KIAA1217: variants seen among roughly 807,000 people sequenced by gnomAD.
KIAA1217 encodes KIAA1217, also known as sickle tail protein homolog.
In KIAA1217, 88 loss-of-function variants were observed where a neutral mutation model predicts 163.9. That is an observed-to-expected ratio of 0.54 (90% CI 0.45 to 0.64). The LOEUF (loss-of-function observed/expected upper bound fraction) is 0.64. KIAA1217 is among the 30% of genes least tolerant of loss of function. The pLI is 0.00. For synonymous variants in KIAA1217, 903 were observed against 923.1 expected (o/e 0.98, Z 0.39); for missense variants, 2,372 against 2,475.0 (o/e 0.96, Z 0.88).
In KIAA1217 at chr10:24,528,100, G is replaced by T. The variant is rs749262338; in HGVS notation, c.3063G>T (p.Val1021=). ...CACTGCCAAGGGGAGATGCCCCAGTGGACAAGGTGGAACTTTCAGGTAAGT... is the reference window on the plus strand; with the variant it reads ...CACTGCCAAGGGGAGATGCCCCAGTTGACAAGGTGGAACTTTCAGGTAAGT... The part of the protein sequence containing the change: ...TGPLPRGDAP[V]DKVELSEDSP... Residue 1021 remains valine (V), a synonymous_variant, in exon 14 of 21, where the codon GTG becomes GTT. Transcript: ENST00000376454. The T allele has an allele frequency of 6.2e-7, 1 of 1,614,006 alleles. No individual in the cohort carries two copies. Among genetic ancestry groups the T allele is most frequent in the Non-Finnish European group, 8.5e-7 (1 of 1,179,942 alleles).
chr10:23,965,662 GA>G (rs1240617366), intron 1 of KIAA1217, among the ~76,000 whole-genome samples: 4 of 152,192 alleles, frequency 2.6e-5, no homozygotes, highest in Admixed American at 2.6e-4. Context: ...CAAAATAAAA[GA>G]GCAAAGGCAT....
At chr10:24,479,074 G>A (rs1332186382) in intron 6 of KIAA1217, among the ~76,000 whole-genome samples, 1 of 152,164 alleles carries the variant, frequency 6.6e-6, no homozygotes, top group Non-Finnish European at 1.5e-5. Flanking sequence ...CCCATTCCGA[G>A]CACCTATAAC....
chr10:24,143,054 C>A (rs1462538963), intron 2 of KIAA1217, among the ~76,000 whole-genome samples: 1 of 152,172 alleles, frequency 6.6e-6, no homozygotes, highest in African/African-American at 2.4e-5. Context: ...CACGTAGATT[C>A]TTTAAGGTTA....
chr10:23,857,854 T>C (rs929731326), intron 1 of KIAA1217, among the ~76,000 whole-genome samples: 4 of 152,082 alleles, frequency 2.6e-5, no homozygotes, highest in Admixed American at 2.0e-4. Flanking sequence ...TAGAGGAAAC[T>C]ATAGATATGG....
intron 2 of KIAA1217, among the ~76,000 whole-genome samples, chr10:24,321,855 A>G (rs1246651818): frequency 6.6e-6 from 1 of 152,172 alleles, no homozygotes; most frequent in African/African-American, 2.4e-5. Flanking sequence ...TGATGATCAC[A>G]TAACAACATG....
intron 2 of KIAA1217, among the ~76,000 whole-genome samples, chr10:24,047,718 C>A (rs1455269836): frequency 6.6e-6 from 1 of 152,140 alleles, no homozygotes; most frequent in Non-Finnish European, 1.5e-5. Flanking sequence ...ATTGAGATCA[C>A]CTTTAGATAC....
intron 2 of KIAA1217, among the ~76,000 whole-genome samples, chr10:24,287,451 G>A (rs931295568): frequency 6.6e-6 from 1 of 152,172 alleles, no homozygotes; most frequent in Non-Finnish European, 1.5e-5. Flanking sequence ...GACAAATCAA[G>A]TTTTTAATTA....
rs151287223 is a variant in KIAA1217, at chr10:24,433,141, A to C, written c.700A>C (p.Ile234Leu). The C allele has an allele frequency of 1.5e-5, 24 of 1,614,162 alleles. No individual in the cohort carries two copies. In the East Asian group the frequency reaches 4.7e-4, roughly 31 times the overall value. ...MKMLESPSVA[I>L]YIKDESRNVY... The stretch of plus-strand genomic sequence containing the variant: ...AATGCTGGAATCGCCCAGTGTCGCC[A>C]TTTACATCAAAGATGAAAGCAGAAA... Residue 234 changes from isoleucine to leucine, a missense_variant, in exon 4 of 21, where the codon ATT (isoleucine) becomes CTT (leucine). Physicochemically the swap from Ile to Leu is conservative, Grantham distance 5. Around this residue, in one of 3 missense-constraint regions of KIAA1217, gnomAD observed 1,431 missense variants for 1,470.3 expected, o/e 0.97. Coordinates refer to ENST00000376454, the MANE Select transcript of KIAA1217 (RefSeq NM_019590.5).
chr10:24,063,004 AGTTT>A (rs2131606082), intron 2 of KIAA1217, among the ~76,000 whole-genome samples: 1 of 151,276 alleles, frequency 6.6e-6, no homozygotes, highest in South Asian at 2.1e-4. Context: ...TTTTCTTGTA[AGTTT>A]GTTTGAGTTC....
chr10:23,721,661 G>A (rs1322984141), intron 1 of KIAA1217, among the ~76,000 whole-genome samples: 1 of 151,318 alleles, frequency 6.6e-6, no homozygotes, highest in African/African-American at 2.4e-5. Flanking sequence ...TAAATAAATT[G>A]TTAAAAAAAT....
At chr10:24,248,528 G>C (rs932798913) in intron 2 of KIAA1217, among the ~76,000 whole-genome samples, 1 of 151,710 alleles carries the variant, frequency 6.6e-6, no homozygotes, top group Non-Finnish European at 1.5e-5. Flanking sequence ...AAAATTAGCC[G>C]GGCATGGTGG....
chr10:23,938,330 T>C (rs1843619114), intron 1 of KIAA1217, among the ~76,000 whole-genome samples: 1 of 152,108 alleles, frequency 6.6e-6, no homozygotes, highest in Non-Finnish European at 1.5e-5. Context: ...CCAGTGCAGT[T>C]AACTAATCTT....
At chr10:23,901,031 G>C (rs1841933067) in intron 1 of KIAA1217, among the ~76,000 whole-genome samples, 1 of 152,044 alleles carries the variant, frequency 6.6e-6, no homozygotes, top group African/African-American at 2.4e-5. Context: ...TTGTTCACTT[G>C]ATTTTGACCC....
chr10:24,294,187 CAA>C (rs371110913), intron 2 of KIAA1217, among the ~76,000 whole-genome samples: 850 of 54,934 alleles, frequency 0.015, 3 homozygotes, highest in African/African-American at 0.064. Flanking sequence ...GACTCCGTCT[CAA>C]AAAAAAAAAA....
intron 5 of KIAA1217, among the ~76,000 whole-genome samples, chr10:24,458,506 C>T (rs757516539): frequency 3.9e-5 from 6 of 152,136 alleles, no homozygotes; most frequent in Non-Finnish European, 7.4e-5. Context: ...TGAACCACTG[C>T]CCTCCTTTGA....
At chr10:23,795,741 T>A (rs1157209001) in intron 1 of KIAA1217, among the ~76,000 whole-genome samples, 1 of 151,876 alleles carries the variant, frequency 6.6e-6, no homozygotes, top group Non-Finnish European at 1.5e-5. Flanking sequence ...AAACAAAGAG[T>A]GGTAGTCAGA....
chr10:23,737,602 G>GA (rs1209750722), intron 1 of KIAA1217, among the ~76,000 whole-genome samples: 1 of 151,754 alleles, frequency 6.6e-6, no homozygotes, highest in Admixed American at 6.6e-5. Context: ...GTTTAATATG[G>GA]AATTTTACAC....
At chr10:23,810,994 ATAT>A (rs1277839930) in intron 1 of KIAA1217, among the ~76,000 whole-genome samples, 6 of 120,342 alleles carry the variant, frequency 5.0e-5, no homozygotes, top group African/African-American at 6.7e-5. Flanking sequence ...TATATATACT[ATAT>A]TATTATACTA....
At chr10:23,910,585 G>A (rs1842392178) in intron 1 of KIAA1217, among the ~76,000 whole-genome samples, 1 of 152,150 alleles carries the variant, frequency 6.6e-6, no homozygotes, top group Non-Finnish European at 1.5e-5. Context: ...TAAGTGAAAA[G>A]AAATAAAATA....
Sources: allele counts gnomAD v4.1 joint callset (sites outside exome capture counted in the v4.1 genomes callset), GRCh38; gene constraint gnomAD v4.1.1; regional missense constraint gnomAD v4.1.1; transcripts MANE v1.5; gene names NCBI Gene and HGNC (gene_info 2026-07-23, HGNC 2026-07-21).